Variants in ARHGEF28 observed in about 807,000 individuals in gnomAD.
The protein encoded by ARHGEF28 is Rho guanine nucleotide exchange factor 28, also known as 190 kDa guanine nucleotide exchange factor.
In ARHGEF28, 152 loss-of-function variants were observed where a neutral mutation model predicts 206.6. The ratio of observed to expected loss-of-function variants is 0.74; its 90% confidence interval spans 0.64 to 0.84. ARHGEF28 has a LOEUF of 0.84. ARHGEF28 is among the 40% of genes least tolerant of loss of function. The pLI is 0.00. For synonymous variants in ARHGEF28, 763 were observed against 776.4 expected, an observed-to-expected ratio of 0.98 and a Z score of 0.29; for missense variants, 2,028 against 2,073.2, an observed-to-expected ratio of 0.98 and a Z score of 0.42.
chr5:73,772,872 T>G (rs976983053), intron 4 of ARHGEF28, among the ~76,000 whole-genome samples: 4 of 152,240 alleles, frequency 2.6e-5, no homozygotes, highest in Admixed American at 2.6e-4. Flanking sequence ...TTCATTTGCC[T>G]GGGCAAGTGG....
At chr5:73,791,130 C>T (rs1022536731) in intron 7 of ARHGEF28, among the ~76,000 whole-genome samples, 2 of 152,188 alleles carry the variant, frequency 1.3e-5, no homozygotes, top group African/African-American at 2.4e-5. Flanking sequence ...TATTTTGGGC[C>T]ACCAGATGTA....
chr5:73,715,988 G>A (rs985931579), intron 2 of ARHGEF28, among the ~76,000 whole-genome samples: 3 of 152,266 alleles, frequency 2.0e-5, no homozygotes, highest in African/African-American at 7.2e-5. Context: ...TCAAAGATGA[G>A]GCGTTATCAG....
chr5:73,784,752 C>T (rs1754056637), intron 7 of ARHGEF28, among the ~76,000 whole-genome samples: 1 of 151,978 alleles, frequency 6.6e-6, no homozygotes, highest in African/African-American at 2.4e-5. Flanking sequence ...TACATACACA[C>T]CTATGATAAA....
rs140447828 is a variant in ARHGEF28 at position 73,857,376 on chromosome 5, A to T, written c.1791-280A>T. On this transcript the variant is annotated intron_variant, in intron 14 of 35. Transcript: ENST00000513042. ...TATGAAAATTTTCAAGTACACAGAA[A>T]AGTTGAGAGAATTATCTAGTGTATA... Among the ~76,000 whole-genome samples the T allele has an allele frequency of 5.3e-4, 80 of 152,270 alleles. 1 individual carries two copies. Among genetic ancestry groups the T allele is most frequent in the Middle Eastern group, 3.4e-3 (1 of 294 alleles).
chr5:73,802,336 T>C (rs1350255916), intron 9 of ARHGEF28, among the ~76,000 whole-genome samples: 1 of 152,174 alleles, frequency 6.6e-6, no homozygotes, highest in Non-Finnish European at 1.5e-5. Flanking sequence ...TGGGTTGATA[T>C]TTACACTGAT....
At chr5:73,653,878 TG>T (rs1745004545) in intron 1 of ARHGEF28, among the ~76,000 whole-genome samples, 1 of 151,850 alleles carries the variant, frequency 6.6e-6, no homozygotes, top group African/African-American at 2.4e-5. Context: ...AGCACAGAGG[TG>T]GAAGTGTATA....
At chr5:73,740,313 A>G (rs1178868806) in intron 2 of ARHGEF28, among the ~76,000 whole-genome samples, 2 of 152,212 alleles carry the variant, frequency 1.3e-5, no homozygotes, top group African/African-American at 2.4e-5. Context: ...ACCAGATATT[A>G]TAGATTCTAG....
intron 2 of ARHGEF28, among the ~76,000 whole-genome samples, chr5:73,738,684 C>T (rs1260714198): frequency 6.6e-6 from 1 of 152,056 alleles, no homozygotes; most frequent in Non-Finnish European, 1.5e-5. Context: ...CTTGGTGGTC[C>T]ACCATGAAAT....
chr5:73,649,707 A>T (rs935587820), intron 1 of ARHGEF28, among the ~76,000 whole-genome samples: 2 of 152,186 alleles, frequency 1.3e-5, no homozygotes, highest in African/African-American at 4.8e-5. Flanking sequence ...GTGGGAAAAG[A>T]GTCTAAAAAA....
chr5:73,671,738 A>ATTTTTTTTT (rs1172905776), intron 1 of ARHGEF28, among the ~76,000 whole-genome samples: 1 of 9,916 alleles, frequency 1.0e-4, no homozygotes, highest in Non-Finnish European at 1.6e-4. Context: ...ATATATATAT[A>ATTTTTTTTT]TTTTTTTTTT....
chr5:73,654,861 C>T lies in ARHGEF28; in HGVS notation c.-12+28539C>T, dbSNP rs1328464914. 2.6e-5 allele frequency among the ~76,000 whole-genome samples: 4 copies of T among 152,108 alleles called. No homozygotes were observed. In the East Asian group the frequency reaches 7.7e-4, roughly 29 times the overall value. On this transcript the variant is annotated intron_variant, in intron 1 of 35. Transcript: ENST00000513042. ...AATGAAAAGTCAAGGCATGTGAAAA[C>T]CTGACGTTCACAGTAATCTAAGCAC...
chr5:73,866,956 G>C (rs768092934), intron 18 of ARHGEF28, among the ~76,000 whole-genome samples: 4 of 152,142 alleles, frequency 2.6e-5, no homozygotes, highest in Non-Finnish European at 4.4e-5. Context: ...ACATGCTATT[G>C]GGTGTAATGT....
At chr5:73,708,750 G>A (rs1296100804) in intron 2 of ARHGEF28, among the ~76,000 whole-genome samples, 3 of 152,116 alleles carry the variant, frequency 2.0e-5, no homozygotes, top group Non-Finnish European at 4.4e-5. Context: ...TGGGTCAAAT[G>A]GTAGTTCTGT....
Position 73,628,405 on chromosome 5 carries a change from T to C in ARHGEF28, c.-12+2083T>C, listed in dbSNP as rs140601070. ...TTCCAAGAAAAAAAGATTCATGATATAAATGTTGGAAAAGCCTCACCACTT... is the reference window on the plus strand; with the variant it reads ...TTCCAAGAAAAAAAGATTCATGATACAAATGTTGGAAAAGCCTCACCACTT... On this transcript the variant is annotated intron_variant, in intron 1 of 35. Coordinates refer to ENST00000513042, the MANE Select transcript of ARHGEF28 (RefSeq NM_001177693.2). Among the ~76,000 whole-genome samples, 1,109 of 152,310 alleles carry C rather than the reference T, an allele frequency of 7.3e-3. 13 individuals carry two copies. The highest frequency in any genetic ancestry group is 0.025 in the African/African-American group (1,059 of 41,564).
intron 10 of ARHGEF28, among the ~76,000 whole-genome samples, chr5:73,836,402 G>T (rs146008356): frequency 6.6e-6 from 1 of 150,512 alleles, no homozygotes; most frequent in Non-Finnish European, 1.5e-5. Flanking sequence ...GATTAGTGAC[G>T]TTGAGCACTT....
At position 73,857,727 on chromosome 5, in the gene ARHGEF28, G is replaced by A. The variant is rs115243197; in HGVS notation, c.1862G>A (p.Arg621Gln). The change falls in exon 15 of 36, where the codon CGA (arginine) becomes CAA (glutamine). Residue 621 changes from arginine to glutamine, a missense_variant. Transcript: ENST00000513042. ...GAGTCTGAAAAATATAAAGTGAGTC[G>A]AACTTTCAGTTTCCTCATGAATAGG... is the stretch of plus-strand genomic sequence containing the variant. ...KSESEKYKVS[R>Q]TFSFLMNRMT... 7.0e-3 allele frequency: 11,231 copies of A among 1,612,418 alleles called. 77 individuals are homozygous for A. Among genetic ancestry groups the A allele is most frequent in the Non-Finnish European group, 7.1e-3 (8,326 of 1,179,150 alleles).
At chr5:73,785,255 C>A (rs1754092233) in intron 7 of ARHGEF28, among the ~76,000 whole-genome samples, 4 of 152,064 alleles carry the variant, frequency 2.6e-5, no homozygotes, top group Admixed American at 2.6e-4. Flanking sequence ...AGTCAAGAAA[C>A]CTATATAATC....
chr5:73,703,345 G>A (rs1748711362), intron 2 of ARHGEF28, among the ~76,000 whole-genome samples: 1 of 152,056 alleles, frequency 6.6e-6, no homozygotes, highest in Non-Finnish European at 1.5e-5. Flanking sequence ...TTCCTAGAAG[G>A]CAAGCTCTTA....
At chr5:73,894,633 C>A in intron 29 of ARHGEF28, 58 bp downstream of exon 29, 1 of 1,557,982 alleles carries the variant, frequency 6.4e-7, no homozygotes, top group Non-Finnish European at 8.7e-7. Flanking sequence ...TATTGAACAC[C>A]TGCTAAGTGC....
Sources: allele counts gnomAD v4.1 joint callset (sites outside exome capture counted in the v4.1 genomes callset), GRCh38; gene constraint gnomAD v4.1.1; transcripts MANE v1.5; gene names NCBI Gene and HGNC (gene_info 2026-07-23, HGNC 2026-07-21).